The following SCAND3 variants were observed in gnomAD, a reference collection of about 807,000 sequenced individuals.
The protein encoded by SCAND3 is SCAN domain containing 3.
the SCAND3 span, chr6:28,586,848 A>G: frequency 1.4e-6 from 1 of 694,578 alleles, no homozygotes; most frequent in Non-Finnish European, 2.4e-6. The surrounding 1 kb of genome is among the most constrained non-coding windows in gnomAD (Gnocchi z 4.4). Flanking sequence ...AACACAGGAC[A>G]ACTACAGACT....
chr6:28,586,299 T>C, the SCAND3 span: 1 of 1,590,204 alleles, frequency 6.3e-7, no homozygotes, highest in African/African-American at 1.3e-5. The surrounding 1 kb of genome is among the most constrained non-coding windows in gnomAD (Gnocchi z 4.4). Flanking sequence ...ATTTCTCACC[T>C]GCTGTCTAGG....
the SCAND3 span, among the ~76,000 whole-genome samples, chr6:28,596,485 T>C: frequency 6.6e-6 from 1 of 152,104 alleles, no homozygotes; most frequent in African/African-American, 2.4e-5. Context: ...CAACAGTGGT[T>C]ATCAGTAAAG....
the SCAND3 span, among the ~76,000 whole-genome samples, chr6:28,605,079 T>G: frequency 6.6e-6 from 1 of 152,196 alleles, no homozygotes; most frequent in East Asian, 1.9e-4. Flanking sequence ...ATATTAAATA[T>G]TCATCCTCAC....
the SCAND3 span, among the ~76,000 whole-genome samples, chr6:28,602,581 T>G: frequency 6.6e-6 from 1 of 152,216 alleles, no homozygotes; most frequent in African/African-American, 2.4e-5. Flanking sequence ...AATACCTCAT[T>G]CTTTAAATAA....
chr6:28,573,614 A>G, the SCAND3 span: 1 of 1,613,164 alleles, frequency 6.2e-7, no homozygotes, highest in Non-Finnish European at 8.5e-7. Flanking sequence ...CAAATAATAC[A>G]CTGTGGTTTT....
chr6:28,605,506 A>G, the SCAND3 span, among the ~76,000 whole-genome samples: 1 of 152,122 alleles, frequency 6.6e-6, no homozygotes, highest in African/African-American at 2.4e-5. Flanking sequence ...TAGTCATGCG[A>G]AAGTATCAGT....
At chr6:28,583,523 T>C in the SCAND3 span, among the ~76,000 whole-genome samples, 1 of 152,210 alleles carries the variant, frequency 6.6e-6, no homozygotes, top group Non-Finnish European at 1.5e-5. Flanking sequence ...AGAAACATGA[T>C]GTGGGTTCCC....
the SCAND3 span, among the ~76,000 whole-genome samples, chr6:28,603,787 G>A: frequency 1.3e-5 from 2 of 151,968 alleles, no homozygotes; most frequent in Admixed American, 1.3e-4. Flanking sequence ...AAACAACATA[G>A]AACTCAGCTG....
the SCAND3 span, chr6:28,571,856 C>A: frequency 1.3e-6 from 2 of 1,571,398 alleles, no homozygotes; most frequent in African/African-American, 1.4e-5. Flanking sequence ...TCCTCACACT[C>A]AATGCTTATA....
the SCAND3 span, chr6:28,575,366 C>T: frequency 6.2e-7 from 1 of 1,614,062 alleles, no homozygotes; most frequent in East Asian, 2.2e-5. This position sits in a 1 kb window ranked among gnomAD's most constrained non-coding sequence, Gnocchi z 4.2. Context: ...AGTTCACTGA[C>T]AACCTGGCTT....
the SCAND3 span, among the ~76,000 whole-genome samples, chr6:28,609,096 A>T: frequency 6.6e-6 from 1 of 152,218 alleles, no homozygotes; most frequent in Non-Finnish European, 1.5e-5. Context: ...ATTGTTTTTC[A>T]TGACAAGACA....
At chr6:28,583,169 G>C in the SCAND3 span, among the ~76,000 whole-genome samples, 1 of 152,088 alleles carries the variant, frequency 6.6e-6, no homozygotes, top group South Asian at 2.1e-4. Context: ...GAGGTGGGCG[G>C]ATCACGAGGT....
At chr6:28,611,028 A>G in the SCAND3 span, among the ~76,000 whole-genome samples, 3 of 152,352 alleles carry the variant, frequency 2.0e-5, no homozygotes, top group Admixed American at 6.5e-5. Context: ...AATATTAGCA[A>G]GAAGATATGT....
At chr6:28,603,558 T>A in the SCAND3 span, among the ~76,000 whole-genome samples, 1 of 152,182 alleles carries the variant, frequency 6.6e-6, no homozygotes, top group Non-Finnish European at 1.5e-5. Flanking sequence ...ATTTGCTTTC[T>A]GACTCTCTAA....
chr6:28,583,308 G>A, the SCAND3 span, among the ~76,000 whole-genome samples: 1 of 152,120 alleles, frequency 6.6e-6, no homozygotes, highest in East Asian at 1.9e-4. Context: ...ACTGAACCCC[G>A]GAGGCAGAGC....
the SCAND3 span, among the ~76,000 whole-genome samples, chr6:28,578,339 G>A: frequency 5.3e-5 from 8 of 152,010 alleles, no homozygotes; most frequent in Admixed American, 2.6e-4. Flanking sequence ...TAGCACTATC[G>A]CAGTTTTTTC....
At chr6:28,603,115 C>A in the SCAND3 span, among the ~76,000 whole-genome samples, 3 of 151,940 alleles carry the variant, frequency 2.0e-5, no homozygotes, top group Non-Finnish European at 2.9e-5. Flanking sequence ...GGTGCCCCCA[C>A]CACGTCCAGC....
At chr6:28,582,915 C>T in the SCAND3 span, among the ~76,000 whole-genome samples, 2 of 150,420 alleles carry the variant, frequency 1.3e-5, no homozygotes, top group Non-Finnish European at 3.0e-5. The surrounding 1 kb of genome is among the most constrained non-coding windows in gnomAD (Gnocchi z 4.8). Flanking sequence ...AGTGAGACTC[C>T]GTCTCAAAAA....
the SCAND3 span, chr6:28,575,449 T>G: frequency 6.2e-7 from 1 of 1,613,924 alleles, no homozygotes; most frequent in South Asian, 1.1e-5. This position sits in a 1 kb window ranked among gnomAD's most constrained non-coding sequence, Gnocchi z 4.2. Context: ...TAAAAGAGCA[T>G]GTGCAACTTC....
Sources: allele counts gnomAD v4.1 joint callset (sites outside exome capture counted in the v4.1 genomes callset), GRCh38; gene constraint gnomAD v4.1.1; non-coding constraint Gnocchi (gnomAD v3.1); transcripts MANE v1.5; gene names NCBI Gene and HGNC (gene_info 2026-07-23, HGNC 2026-07-21).